The following GNG12 variants were observed in gnomAD, a reference collection of about 807,000 sequenced individuals.
GNG12 encodes the protein guanine nucleotide-binding protein G(I)/G(S)/G(O) subunit gamma-12.
For synonymous variants in GNG12, 28 were observed against 29.7 expected, an observed-to-expected ratio of 0.94 and a Z score of 0.19; for missense variants, 69 against 83.8, an observed-to-expected ratio of 0.82 and a Z score of 0.69.
intron 2 of GNG12, among the ~76,000 whole-genome samples, chr1:67,721,356 C>A (rs578207384): frequency 6.6e-6 from 1 of 152,292 alleles, no homozygotes; most frequent in Non-Finnish European, 1.5e-5. Context: ...GTCACACCAG[C>A]CAGCAGCATG....
chr1:67,806,318 T>C (rs891257535), intron 1 of GNG12, among the ~76,000 whole-genome samples: 1 of 152,216 alleles, frequency 6.6e-6, no homozygotes, highest in Admixed American at 6.5e-5. Context: ...TATATGTTTA[T>C]GTGCATACAT....
intron 2 of GNG12, among the ~76,000 whole-genome samples, chr1:67,767,715 A>C (rs139346692): frequency 2.4e-3 from 362 of 152,364 alleles, no homozygotes; most frequent in African/African-American, 8.6e-3. Flanking sequence ...ATCTGATGGC[A>C]ATATCACTTA....
intron 2 of GNG12, among the ~76,000 whole-genome samples, chr1:67,750,827 A>G (rs527862877): frequency 6.6e-6 from 1 of 152,174 alleles, no homozygotes; most frequent in East Asian, 1.9e-4. Flanking sequence ...TGCAGGATAA[A>G]CTCTAGTTCT....
intron 1 of GNG12, among the ~76,000 whole-genome samples, chr1:67,797,314 G>T (rs1646837648): frequency 6.6e-6 from 1 of 152,056 alleles, no homozygotes; most frequent in Admixed American, 6.5e-5. Flanking sequence ...AACTTGTCCT[G>T]CCATTAAGAT....
At chr1:67,764,269 T>C (rs1379233141) in intron 2 of GNG12, among the ~76,000 whole-genome samples, 1 of 152,038 alleles carries the variant, frequency 6.6e-6, no homozygotes, top group Admixed American at 6.6e-5. Context: ...GAAAGACAAA[T>C]GAGCCAGTGA....
chr1:67,779,269 C>G (rs1003087035), intron 1 of GNG12, among the ~76,000 whole-genome samples: 1 of 152,196 alleles, frequency 6.6e-6, no homozygotes, highest in African/African-American at 2.4e-5. Context: ...TGAGCAAAAT[C>G]AGACCCCCAC....
chr1:67,727,682 T>C (rs151094005), intron 2 of GNG12, among the ~76,000 whole-genome samples: 334 of 152,328 alleles, frequency 2.2e-3, no homozygotes, highest in Non-Finnish European at 3.9e-3. Flanking sequence ...CTTTACCCAA[T>C]GTAGAAATCT....
chr1:67,705,638 C>T lies in GNG12; in HGVS notation c.94-62G>A, dbSNP rs1445092395. 5.8e-6 allele frequency: 9 copies of T among 1,549,980 alleles called. No individual in the cohort carries two copies. In the East Asian group the frequency reaches 1.2e-4, roughly 20 times the overall value. On this transcript the variant is annotated intron_variant, in intron 3 of 3. Coordinates refer to ENST00000370982, the MANE Select transcript of GNG12 (RefSeq NM_018841.6). ...ATATTTTACTTGCACACTTTCAGAG[C>T]GTATTTGAATGCTAGGCTATTGAAT...
intron 2 of GNG12, among the ~76,000 whole-genome samples, chr1:67,747,861 T>C (rs1191006938): frequency 6.6e-6 from 1 of 152,244 alleles, no homozygotes; most frequent in Non-Finnish European, 1.5e-5. Flanking sequence ...AAGGTTAAAC[T>C]GGATCTTCTA....
chr1:67,768,493 T>C (rs1646654368), intron 2 of GNG12, among the ~76,000 whole-genome samples: 3 of 152,230 alleles, frequency 2.0e-5, no homozygotes, highest in Admixed American at 2.0e-4. Context: ...GGAATGGGGC[T>C]AGTTTTTTCC....
At chr1:67,732,280 G>T (rs939587925) in intron 2 of GNG12, among the ~76,000 whole-genome samples, 1 of 152,208 alleles carries the variant, frequency 6.6e-6, no homozygotes, top group Non-Finnish European at 1.5e-5. Context: ...ACTATCGGGG[G>T]ACCCCCAGTA....
intron 1 of GNG12, among the ~76,000 whole-genome samples, chr1:67,802,180 G>A (rs961381675): frequency 2.6e-5 from 4 of 152,126 alleles, no homozygotes; most frequent in East Asian, 3.8e-4. Context: ...GGGCCAAGGA[G>A]GCTGGTACTG....
At chr1:67,712,693 A>T (rs905773906) in intron 2 of GNG12, among the ~76,000 whole-genome samples, 3 of 146,860 alleles carry the variant, frequency 2.0e-5, no homozygotes, top group South Asian at 2.2e-4. Flanking sequence ...ACCCCCATTT[A>T]AAAAAAAAAA....
At chr1:67,748,366 A>G (rs1006619012) in intron 2 of GNG12, among the ~76,000 whole-genome samples, 2 of 152,234 alleles carry the variant, frequency 1.3e-5, no homozygotes, top group African/African-American at 4.8e-5. Context: ...AGTAGTCCTG[A>G]AACCATACCA....
chr1:67,731,987 T>C (rs1646422653), intron 2 of GNG12, among the ~76,000 whole-genome samples: 4 of 152,232 alleles, frequency 2.6e-5, no homozygotes, highest in Non-Finnish European at 5.9e-5. Flanking sequence ...ACTTAATGAA[T>C]ATGCAATGTC....
At chr1:67,715,082 C>T (rs1646317789) in intron 2 of GNG12, among the ~76,000 whole-genome samples, 2 of 152,128 alleles carry the variant, frequency 1.3e-5, no homozygotes, top group Admixed American at 1.3e-4. Flanking sequence ...CCACACCTGG[C>T]TAATTTTTGT....
At chr1:67,816,480 T>C (rs1318652604) in intron 1 of GNG12, among the ~76,000 whole-genome samples, 1 of 152,216 alleles carries the variant, frequency 6.6e-6, no homozygotes, top group Non-Finnish European at 1.5e-5. Flanking sequence ...CTGTTCCTCC[T>C]GGACACACTC....
chr1:67,761,921 C>T lies in GNG12; in HGVS notation c.-27+15537G>A, dbSNP rs148246687. ...GGACCAAAGAAAGCAACTCCTGCCA[C>T]CTGCAGTCAGACCACTCTCTCCCAC... On this transcript the variant is annotated intron_variant, in intron 2 of 3. Transcript: ENST00000370982. 1.9e-3 allele frequency among the ~76,000 whole-genome samples: 282 copies of T among 152,226 alleles called. 2 individuals carry two copies. Among genetic ancestry groups the T allele is most frequent in the African/African-American group, 6.6e-3 (276 of 41,520 alleles).
At chr1:67,757,852 G>T (rs1017228978) in intron 2 of GNG12, among the ~76,000 whole-genome samples, 1 of 152,246 alleles carries the variant, frequency 6.6e-6, no homozygotes. Flanking sequence ...TTCTGAGAAA[G>T]ATTTGAGATG....
Sources: gnomAD v4.1 joint callset for allele counts (sites outside exome capture counted in the v4.1 genomes callset) on GRCh38, gnomAD v4.1.1 for gene constraint, MANE v1.5 for transcripts, NCBI Gene and HGNC (gene_info 2026-07-23, HGNC 2026-07-21) for gene names.